WDR12: variants seen among roughly 807,000 people sequenced by gnomAD.
WDR12 encodes WD repeat domain 12.
In WDR12, 42 loss-of-function variants were observed where a neutral mutation model predicts 64.3. The observed-to-expected ratio is 0.65, with a 90% CI of 0.51 to 0.84. The LOEUF (loss-of-function observed/expected upper bound fraction) is 0.84, where lower values mean the gene tolerates loss of function less well. Ranked by LOEUF, WDR12 falls within the 40% of genes least tolerant of loss-of-function variation. The pLI is 0.00. For missense variants in WDR12, 469 were observed against 494.6 expected (o/e 0.95, Z 0.49); for synonymous variants, 158 against 173.3 (o/e 0.91, Z 0.70).
chr2:202,911,620 T>G lies in WDR12; in HGVS notation c.-144A>C. The stretch of plus-strand genomic sequence containing the variant: ...GAGGAACTGCAGTCTAAGCCTGGAC[T>G]CTGCCTTCTGCCCTCCGGTCTCCTC... On this transcript the variant is annotated 5_prime_UTR_variant, in exon 1 of 13. Coordinates refer to ENST00000261015, the MANE Select transcript of WDR12 (RefSeq NM_018256.4). The G allele has an allele frequency of 1.3e-6, 1 of 743,004 alleles. No homozygotes were observed. The highest frequency in any genetic ancestry group is 2.4e-6 in the Non-Finnish European group (1 of 420,674). 46.0% of individuals were successfully genotyped at this position (743,004 alleles called of 1,614,324 possible). A position where few individuals can be genotyped will look rare whatever the true frequency, so the allele number is the denominator to read the frequency against.
chr2:202,906,680 T>C (rs540844276), intron 2 of WDR12, among the ~76,000 whole-genome samples: 5 of 152,076 alleles, frequency 3.3e-5, no homozygotes, highest in African/African-American at 1.2e-4. Flanking sequence ...CCTCGCCAAA[T>C]GGTGAAACCC....
At chr2:202,909,782 A>ATTATTTATTTATTTATTTAT (rs368055241) in intron 1 of WDR12, among the ~76,000 whole-genome samples, 13 of 150,888 alleles carry the variant, frequency 8.6e-5, no homozygotes, top group Non-Finnish European at 1.6e-4. Flanking sequence ...CAAGAATTTT[A>ATTATTTATTTATTTATTTAT]TTATTTATTT....
At chr2:202,896,316 T>A (rs1324784980) in intron 5 of WDR12, 97 bp from the exon 6 acceptor site, 2 of 1,323,510 alleles carry the variant, frequency 1.5e-6, no homozygotes, top group Non-Finnish European at 2.0e-6. Context: ...TTTGTTGTTA[T>A]TGAAAAAGAT....
rs374109386 is a variant in WDR12 at position 202,887,761 on chromosome 2, G to A, written c.742-3226C>T. Reference sequence around the variant, plus strand: ...AAATTAGCCGGGCGCGGTGGCGGGCGCCTGTAGTCCCAGCTACTCGGGAGG... The same window carrying A: ...AAATTAGCCGGGCGCGGTGGCGGGCACCTGTAGTCCCAGCTACTCGGGAGG... On this transcript the variant is annotated intron_variant, in intron 8 of 12. Transcript: ENST00000261015. Among the ~76,000 whole-genome samples, 223 of 151,448 alleles carry A rather than the reference G, an allele frequency of 1.5e-3. 1 individual carries two copies. Among genetic ancestry groups the A allele is most frequent in the South Asian group, 9.2e-3 (44 of 4,788 alleles).
intron 6 of WDR12, among the ~76,000 whole-genome samples, chr2:202,895,751 A>T (rs1382986962): frequency 6.7e-6 from 1 of 148,820 alleles, no homozygotes; most frequent in African/African-American, 2.5e-5. Context: ...GCTGGTCTTG[A>T]ACTCCTGACC....
intron 2 of WDR12, among the ~76,000 whole-genome samples, chr2:202,907,045 T>C (rs934323504): frequency 1.8e-4 from 27 of 151,112 alleles, no homozygotes; most frequent in African/African-American, 5.8e-4. Flanking sequence ...GCCTCCCGGG[T>C]TCAAGCAATT....
rs751644345 is a variant in WDR12 at position 202,907,928 on chromosome 2, G to A, written c.73C>T (p.Pro25Ser). The A allele has an allele frequency of 5.6e-6, 9 of 1,613,962 alleles. No individual in the cohort carries two copies. Among genetic ancestry groups the A allele is most frequent in the Middle Eastern group, 1.7e-4 (1 of 6,054 alleles). The change falls in exon 2 of 13, where the codon CCT (proline) becomes TCT (serine). Residue 25 changes from proline (P) to serine (S), a missense_variant. By Grantham distance (74) the Pro-to-Ser change is moderately conservative. Coordinates refer to ENST00000261015, the MANE Select transcript of WDR12 (RefSeq NM_018256.4). Reference protein sequence around the residue: ...YAVDDVPFSIPAASEIADLSN... With the variant: ...YAVDDVPFSISAASEIADLSN... Reference sequence around the variant, plus strand: ...AGGTCGGCAATTTCAGAGGCAGCAGGGATTGAGAAGGGAACATCATCTACG... The same window carrying A: ...AGGTCGGCAATTTCAGAGGCAGCAGAGATTGAGAAGGGAACATCATCTACG...
Position 202,899,729 on chromosome 2 carries a change from A to T in WDR12, c.232-92T>A, listed in dbSNP as rs1688317220. ...ACCCCCAATTTAATATATCTCCTTT[A>T]TATCCTTCATATTAGTCCCCTTTAT... On this transcript the variant is annotated intron_variant, in intron 3 of 12. Coordinates refer to ENST00000261015, the MANE Select transcript of WDR12 (RefSeq NM_018256.4). The T allele has an allele frequency of 1.8e-6, 2 of 1,109,026 alleles. 1 individual carries two copies. The highest frequency in any genetic ancestry group is 4.1e-5 in the Admixed American group (2 of 49,316). 68.7% of individuals were successfully genotyped at this position (1,109,026 alleles called of 1,614,324 possible). A position where few individuals can be genotyped will look rare whatever the true frequency, so the allele number is the denominator to read the frequency against.
rs1422511050 is a variant in WDR12 at position 202,897,195 on chromosome 2, T to C, written c.454+105A>G. On this transcript the variant is annotated intron_variant, in intron 5 of 12. Transcript: ENST00000261015. Reference sequence around the variant, plus strand: ...TTGAAAGACCTCATAATAACTGAGGTATGAGATACTTCCCACCCACTCCCC... The same window carrying C: ...TTGAAAGACCTCATAATAACTGAGGCATGAGATACTTCCCACCCACTCCCC... 5.9e-6 allele frequency: 4 copies of C among 677,308 alleles called. No homozygotes were observed. The Admixed American group carries it at 9.2e-5, about 16-fold the overall frequency. The allele number at this position is 677,308 out of a possible 1,614,324, so 42.0% of individuals were successfully genotyped here. A position where few individuals can be genotyped will look rare whatever the true frequency, so the allele number is the denominator to read the frequency against.
chr2:202,891,402 G>A (rs1021672594), intron 8 of WDR12, among the ~76,000 whole-genome samples: 1 of 152,134 alleles, frequency 6.6e-6, no homozygotes, highest in African/African-American at 2.4e-5. Context: ...TGCCCGCCTT[G>A]GCCTCCCAAA....
chr2:202,905,702 G>A (rs952665284), intron 2 of WDR12, among the ~76,000 whole-genome samples: 2 of 152,200 alleles, frequency 1.3e-5, no homozygotes, highest in African/African-American at 4.8e-5. Flanking sequence ...AAAAGAATGA[G>A]ATCCTGTCAT....
At position 202,879,208 on chromosome 2, in the gene WDR12, T is replaced by G. The variant is rs1173793191; in HGVS notation, c.*1652A>C. 1 of 152,018 alleles carries G rather than the reference T, an allele frequency of 6.6e-6. No individual in the cohort carries two copies. Among genetic ancestry groups the G allele is most frequent in the African/African-American group, 2.4e-5 (1 of 41,376 alleles). The allele number at this position is 152,018 out of a possible 1,614,324, so 9.4% of individuals were successfully genotyped here. A position where few individuals can be genotyped will look rare whatever the true frequency, so the allele number is the denominator to read the frequency against. On this transcript the variant is annotated 3_prime_UTR_variant, in exon 13 of 13. Coordinates refer to ENST00000261015, the MANE Select transcript of WDR12 (RefSeq NM_018256.4). ...GCCACGCCCAGCTAATTTTTTGTAT[T>G]TTATTAGAGACGAGGTTTCACTGTG...
intron 2 of WDR12, 107 bp downstream of exon 2, chr2:202,907,758 C>A: frequency 1.3e-6 from 1 of 786,314 alleles, no homozygotes; most frequent in South Asian, 1.9e-5. Context: ...CAAATTTTAC[C>A]ACTACAAAAT....
rs976638863 is a variant in WDR12, at chr2:202,876,085, A to G, written c.*4775T>C. 6.6e-5 allele frequency: 10 copies of G among 152,206 alleles called. No individual in the cohort carries two copies. Among genetic ancestry groups the G allele is most frequent in the Non-Finnish European group, 1.5e-4 (10 of 68,028 alleles). The allele number at this position is 152,206 out of a possible 1,614,324, so 9.4% of individuals were successfully genotyped here. On this transcript the variant is annotated 3_prime_UTR_variant, in exon 13 of 13. Coordinates refer to ENST00000261015, the MANE Select transcript of WDR12 (RefSeq NM_018256.4). Reference sequence around the variant, plus strand: ...GCCAAAAACGTTTCTCTCCTAAGTTATAATAAAGATATATTTGGTTCAGGC... The same window carrying G: ...GCCAAAAACGTTTCTCTCCTAAGTTGTAATAAAGATATATTTGGTTCAGGC...
At chr2:202,910,374 T>A (rs926364732) in intron 1 of WDR12, among the ~76,000 whole-genome samples, 2 of 151,910 alleles carry the variant, frequency 1.3e-5, no homozygotes, top group Non-Finnish European at 2.9e-5. Flanking sequence ...AATACAAAAA[T>A]TAGCCAGGCT....
intron 10 of WDR12, 60 bp downstream of exon 10, chr2:202,884,138 G>A (rs1265030657): frequency 2.6e-6 from 4 of 1,531,028 alleles, no homozygotes. Flanking sequence ...TACATCTCCA[G>A]AGAGATGAGA....
At chr2:202,906,467 G>T (rs915214191) in intron 2 of WDR12, among the ~76,000 whole-genome samples, 12 of 152,124 alleles carry the variant, frequency 7.9e-5, no homozygotes, top group Non-Finnish European at 1.5e-4. Flanking sequence ...AGACGAAGAT[G>T]GGGAAAATAC....
rs777000825 is a variant in WDR12, at chr2:202,897,298, AC to A, written c.454+1del. The A allele has an allele frequency of 6.3e-7, 1 of 1,590,470 alleles. No individual in the cohort carries two copies. The highest frequency in any genetic ancestry group is 1.4e-5 in the African/African-American group (1 of 73,432). ...CTCTAAGTGTAGGCAAACTGTCCTA[AC>A]CTTTTTTCACCCAGGCCACATCTTT... On this transcript the variant is annotated splice_donor_variant, in intron 5 of 12. Coordinates refer to ENST00000261015, the MANE Select transcript of WDR12 (RefSeq NM_018256.4). LOFTEE classifies it high-confidence loss of function.
intron 7 of WDR12, 28 bp from the exon 8 acceptor site, chr2:202,892,730 T>C: frequency 6.5e-7 from 1 of 1,533,170 alleles, no homozygotes; most frequent in Non-Finnish European, 9.0e-7. Flanking sequence ...AGATTTGACA[T>C]TTTAAAAACA....
Sources: gnomAD v4.1 joint callset for allele counts (sites outside exome capture counted in the v4.1 genomes callset) on GRCh38, gnomAD v4.1.1 for gene constraint, MANE v1.5 for transcripts, NCBI Gene and HGNC (gene_info 2026-07-23, HGNC 2026-07-21) for gene names.